Variants in SRGAP2C observed in about 807,000 individuals in gnomAD.
SRGAP2C encodes the protein SLIT-ROBO Rho GTPase-activating protein 2C.
A neutral mutation model predicts 25.1 loss-of-function variants in SRGAP2C; 15 were observed. The ratio of observed to expected loss-of-function variants is 0.60; its 90% CI spans 0.40 to 0.92. SRGAP2C has a LOEUF of 0.92. SRGAP2C is among the 40% of genes least tolerant of loss of function. SRGAP2C has a pLI of 0.00. For synonymous variants in SRGAP2C, 44 were observed against 96.6 expected, an observed-to-expected ratio of 0.46 and a Z score of 3.19; for missense variants, 144 against 264.4, an observed-to-expected ratio of 0.54 and a Z score of 3.16.
intron 4 of SRGAP2C, among the ~76,000 whole-genome samples, chr1:121,355,309 T>A (rs1417644397): frequency 1.6e-4 from 11 of 68,024 alleles, no homozygotes; most frequent in African/African-American, 8.9e-4. Flanking sequence ...CACATTCTTT[T>A]TTTTTTTTTT....
chr1:121,279,438 A>G (rs1433674765), intron 2 of SRGAP2C, among the ~76,000 whole-genome samples: 6 of 146,020 alleles, frequency 4.1e-5, no homozygotes, highest in Non-Finnish European at 3.0e-5. Flanking sequence ...CAGTTTTCAG[A>G]GGACTGTGTC....
At chr1:121,191,177 G>A (rs1235195480) in intron 2 of SRGAP2C, among the ~76,000 whole-genome samples, 1 of 151,766 alleles carries the variant, frequency 6.6e-6, no homozygotes, top group African/African-American at 2.4e-5. Context: ...TTGTCCGTCA[G>A]TATCCTCAGG....
chr1:121,293,042 A>G (rs1482737999), intron 3 of SRGAP2C, among the ~76,000 whole-genome samples: 5 of 111,874 alleles, frequency 4.5e-5, no homozygotes, highest in Non-Finnish European at 9.1e-5. Flanking sequence ...AGGGAGGTCA[A>G]GTTCAATGGA....
At chr1:121,374,605 G>A (rs1391507423) in intron 6 of SRGAP2C, among the ~76,000 whole-genome samples, 1 of 152,128 alleles carries the variant, frequency 6.6e-6, no homozygotes, top group Non-Finnish European at 1.5e-5. Context: ...GAATCAAAGC[G>A]GGGCACGCAT....
At chr1:121,222,647 A>C (rs1655558756) in intron 2 of SRGAP2C, among the ~76,000 whole-genome samples, 2 of 152,166 alleles carry the variant, frequency 1.3e-5, no homozygotes, top group Admixed American at 6.5e-5. Flanking sequence ...TAACAAAAAA[A>C]CCCCTAAAAA....
At chr1:121,263,366 G>T (rs1656676662) in intron 2 of SRGAP2C, among the ~76,000 whole-genome samples, 1 of 143,150 alleles carries the variant, frequency 7.0e-6, no homozygotes, top group Non-Finnish European at 1.5e-5. Context: ...GGGAGGCGGT[G>T]CTTGCGGTGA....
chr1:121,310,788 CTT>C (rs1657965213), intron 3 of SRGAP2C, among the ~76,000 whole-genome samples: 1 of 75,424 alleles, frequency 1.3e-5, no homozygotes, highest in Admixed American at 1.4e-4. Context: ...ATCTATATCT[CTT>C]TTGGTACCAG....
At position 121,360,832 on chromosome 1, in the gene SRGAP2C, A is replaced by G. The variant is rs587672904; in HGVS notation, c.424-4461A>G. The stretch of plus-strand genomic sequence containing the variant: ...ATGTTCCTTTCCTCTGAAATCTGTA[A>G]CATAAATTCAGTTTTAAACTGGATT... On this transcript the variant is annotated intron_variant, in intron 4 of 9. Transcript: ENST00000367123. 4.2e-3 allele frequency: 630 copies of G among 151,274 alleles called. 4 individuals carry two copies. Among genetic ancestry groups the G allele is most frequent in the African/African-American group, 0.014 (587 of 41,136 alleles). 9.4% of individuals were successfully genotyped at this position (151,274 alleles called of 1,614,324 possible). A position where few individuals can be genotyped will look rare whatever the true frequency, so the allele number is the denominator to read the frequency against.
intron 4 of SRGAP2C, chr1:121,361,740 G>T (rs146967307): frequency 1.3e-5 from 2 of 152,094 alleles, no homozygotes; most frequent in Non-Finnish European, 2.9e-5. Context: ...ATTGTTAACT[G>T]TACCACATCT....
intron 2 of SRGAP2C, among the ~76,000 whole-genome samples, chr1:121,239,282 C>CATA (rs1332097862): frequency 0.016 from 28 of 1,724 alleles, 8 homozygotes; most frequent in Admixed American, 0.034. Flanking sequence ...TATATATATA[C>CATA]TATATATATA....
chr1:121,191,542 G>C (rs1255228286), intron 2 of SRGAP2C, among the ~76,000 whole-genome samples: 2 of 146,200 alleles, frequency 1.4e-5, no homozygotes, highest in Non-Finnish European at 1.5e-5. Flanking sequence ...TTACAACCCT[G>C]GTCAGATTCA....
At chr1:121,239,106 A>C (rs1373765336) in intron 2 of SRGAP2C, among the ~76,000 whole-genome samples, 88 of 115,902 alleles carry the variant, frequency 7.6e-4, no homozygotes, top group Non-Finnish European at 1.0e-3. Context: ...GGGTGAGTGA[A>C]TAAGACAGTC....
Position 121,391,704 on chromosome 1 carries a change from A to T in SRGAP2C, c.*3849A>T. 1 of 152,424 alleles carries T rather than the reference A, an allele frequency of 6.6e-6. No individual in the cohort carries two copies. Among genetic ancestry groups the T allele is most frequent in the South Asian group, 2.1e-4 (1 of 4,834 alleles). 9.4% of individuals were successfully genotyped at this position (152,424 alleles called of 1,614,324 possible). Reference sequence around the variant, plus strand: ...TAATAAGTAAAGAAAATTTAAAACCACAAAACATTACTGTGTTTGTAGGGG... The same window carrying T: ...TAATAAGTAAAGAAAATTTAAAACCTCAAAACATTACTGTGTTTGTAGGGG... On this transcript the variant is annotated 3_prime_UTR_variant, in exon 10 of 10. Transcript: ENST00000367123.
intron 4 of SRGAP2C, among the ~76,000 whole-genome samples, chr1:121,348,672 T>C (rs1250488273): frequency 2.0e-5 from 3 of 150,590 alleles, no homozygotes; most frequent in Admixed American, 6.6e-5. Context: ...GCTTACTATA[T>C]GCAAGGCATT....
chr1:121,258,087 T>C (rs1267278675), intron 2 of SRGAP2C, among the ~76,000 whole-genome samples: 12 of 151,792 alleles, frequency 7.9e-5, no homozygotes, highest in Non-Finnish European at 1.3e-4. Flanking sequence ...TTTGGGCATA[T>C]GGATTATGAC....
chr1:121,315,235 C>G (rs1301442934), intron 3 of SRGAP2C, among the ~76,000 whole-genome samples: 2 of 152,066 alleles, frequency 1.3e-5, no homozygotes, highest in East Asian at 1.9e-4. Context: ...CCTGAAGCTC[C>G]TGGGCTCACG....
At chr1:121,263,066 A>AT (rs1339300218) in intron 2 of SRGAP2C, among the ~76,000 whole-genome samples, 1 of 151,978 alleles carries the variant, frequency 6.6e-6, no homozygotes, top group Non-Finnish European at 1.5e-5. Flanking sequence ...AGTAATAAGA[A>AT]TTTGAGACTG....
intron 7 of SRGAP2C, among the ~76,000 whole-genome samples, chr1:121,379,313 A>G (rs1659751466): frequency 6.6e-6 from 1 of 151,510 alleles, no homozygotes; most frequent in Non-Finnish European, 1.5e-5. Flanking sequence ...TCAAGTCATC[A>G]TACATCTGGA....
In SRGAP2C at chr1:121,295,587, A is replaced by C. The variant is rs1376462529; in HGVS notation, c.260+10592A>C. ...ATGGAAAGCACCTGGTGCAGGAAGA[A>C]TCTACAGGAATTGCTGACTGATGGG... is the stretch of plus-strand genomic sequence containing the variant. On this transcript the variant is annotated intron_variant, in intron 3 of 9. Transcript: ENST00000367123. Among the ~76,000 whole-genome samples the C allele has an allele frequency of 1.5e-3, 230 of 152,212 alleles. 4 individuals carry two copies. Among genetic ancestry groups the C allele is most frequent in the Non-Finnish European group, 2.4e-4 (16 of 68,020 alleles).
Sources: allele counts gnomAD v4.1 joint callset (sites outside exome capture counted in the v4.1 genomes callset), GRCh38; gene constraint gnomAD v4.1.1; transcripts MANE v1.5; gene names NCBI Gene and HGNC (gene_info 2026-07-23, HGNC 2026-07-21).